Variants in BICC1 observed in about 807,000 individuals in gnomAD.
BICC1 encodes BicC family RNA binding protein 1, also known as protein bicaudal C homolog 1.
A neutral mutation model predicts 111.0 loss-of-function variants in BICC1; 43 were observed. That is an observed-to-expected ratio of 0.39 (90% CI 0.30 to 0.50). The LOEUF (loss-of-function observed/expected upper bound fraction) is 0.50, where lower values mean the gene tolerates loss of function less well. Ranked by LOEUF, BICC1 falls within the 20% of genes least tolerant of loss-of-function variation. BICC1 has a pLI of 0.88. For synonymous variants in BICC1, 467 were observed against 434.4 expected (o/e 1.07, Z -0.93); for missense variants, 1,091 against 1,203.2 (o/e 0.91, Z 1.38).
intron 1 of BICC1, among the ~76,000 whole-genome samples, chr10:58,521,957 G>C (rs1242087258): frequency 6.6e-6 from 1 of 151,132 alleles, no homozygotes; most frequent in Non-Finnish European, 1.5e-5. Flanking sequence ...AAGGTGGTTA[G>C]AGGATGGTGA....
chr10:58,596,041 C>G (rs774434541), intron 1 of BICC1, among the ~76,000 whole-genome samples: 1 of 152,090 alleles, frequency 6.6e-6, no homozygotes, highest in Non-Finnish European at 1.5e-5. Flanking sequence ...ACCCCTGATC[C>G]CACAGAAATA....
chr10:58,671,764 G>A (rs1309432631), intron 2 of BICC1, among the ~76,000 whole-genome samples: 1 of 152,018 alleles, frequency 6.6e-6, no homozygotes, highest in African/African-American at 2.4e-5. Flanking sequence ...AAATTGCCTT[G>A]TTTTTTCAAC....
intron 1 of BICC1, among the ~76,000 whole-genome samples, chr10:58,603,049 G>A (rs539591565): frequency 1.3e-5 from 2 of 152,232 alleles, no homozygotes; most frequent in East Asian, 1.9e-4. Flanking sequence ...AATAGATCAA[G>A]TTTAGAATAT....
chr10:58,728,827 T>C lies in BICC1; in HGVS notation c.307+26684T>C, dbSNP rs547459517. ...TTTGTACATCTTCATCAGACCTCTTTTGTGACCAGGTGCATTGTCAATGAG... is the reference window on the plus strand; with the variant it reads ...TTTGTACATCTTCATCAGACCTCTTCTGTGACCAGGTGCATTGTCAATGAG... On this transcript the variant is annotated intron_variant, in intron 3 of 20. Transcript: ENST00000373886. Among the ~76,000 whole-genome samples the C allele has an allele frequency of 2.0e-5, 3 of 152,312 alleles. No individual in the cohort carries two copies. In the East Asian group the frequency reaches 5.8e-4, roughly 29 times the overall value.
intron 18 of BICC1, 53 bp from the exon 19 acceptor site, chr10:58,817,509 C>G (rs747598104): frequency 1.3e-6 from 2 of 1,597,820 alleles, no homozygotes; most frequent in Non-Finnish European, 1.7e-6. Flanking sequence ...TTAATTAAAC[C>G]ATGTTCTCTC....
intron 2 of BICC1, among the ~76,000 whole-genome samples, chr10:58,629,638 C>T (rs1396709266): frequency 6.6e-6 from 1 of 152,094 alleles, no homozygotes; most frequent in Non-Finnish European, 1.5e-5. Context: ...CAGAATCACA[C>T]TAAGGTTTAT....
intron 1 of BICC1, among the ~76,000 whole-genome samples, chr10:58,560,591 T>C (rs1239992373): frequency 6.7e-6 from 1 of 148,690 alleles, no homozygotes; most frequent in African/African-American, 2.5e-5. Flanking sequence ...TGTTTTTCTT[T>C]TACCGACTTT....
chr10:58,808,972 C>T (rs1045546794), intron 17 of BICC1, among the ~76,000 whole-genome samples: 1 of 151,984 alleles, frequency 6.6e-6, no homozygotes, highest in Non-Finnish European at 1.5e-5. Context: ...ACCTCGACCT[C>T]CCAAAGTGCT....
In BICC1 at chr10:58,817,669, C is replaced by G; in HGVS notation, c.2641C>G (p.Leu881Val). Residue 881 changes from leucine to valine, a missense_variant, in exon 19 of 21, where the codon CTC (leucine) becomes GTC (valine). By Grantham distance (32) the Leu-to-Val change is conservative. Transcript: ENST00000373886. ...TTTCAAAGGTTCTGACCTCCCTGAG[C>G]TCTTCAGCAAACTGGGCCTGGGCAA... ...SSFKGSDLPE[L>V]FSKLGLGKYT... is the part of the protein sequence containing the mutation. The G allele has an allele frequency of 6.2e-7, 1 of 1,613,522 alleles. No homozygotes were observed. Among genetic ancestry groups the G allele is most frequent in the Non-Finnish European group, 8.5e-7 (1 of 1,179,630 alleles).
chr10:58,576,316 T>C (rs1844110231), intron 1 of BICC1, among the ~76,000 whole-genome samples: 1 of 152,218 alleles, frequency 6.6e-6, no homozygotes, highest in Non-Finnish European at 1.5e-5. Context: ...TGATAATTAC[T>C]AGAAAAGCAG....
At chr10:58,681,743 CAG>C (rs2132363964) in intron 2 of BICC1, among the ~76,000 whole-genome samples, 1 of 152,210 alleles carries the variant, frequency 6.6e-6, no homozygotes, top group East Asian at 1.9e-4. Context: ...ATGGTGTATC[CAG>C]AGTTTGTTCC....
intron 1 of BICC1, among the ~76,000 whole-genome samples, chr10:58,540,434 C>T (rs983738007): frequency 1.3e-5 from 2 of 151,830 alleles, no homozygotes; most frequent in Non-Finnish European, 2.9e-5. Flanking sequence ...AAAGAAGAGA[C>T]ATTACAACTG....
At chr10:58,534,358 TATA>T (rs1842772224) in intron 1 of BICC1, among the ~76,000 whole-genome samples, 4 of 151,682 alleles carry the variant, frequency 2.6e-5, no homozygotes, top group African/African-American at 9.7e-5. Context: ...GGCGGCAGCC[TATA>T]CTGTGAACCA....
At chr10:58,731,896 G>A (rs542009271) in intron 3 of BICC1, among the ~76,000 whole-genome samples, 7 of 152,340 alleles carry the variant, frequency 4.6e-5, no homozygotes, top group South Asian at 2.1e-4. Context: ...CTCCAACATT[G>A]GAGATTACAA....
At chr10:58,789,126 T>G in intron 6 of BICC1, 136 bp from the exon 7 acceptor site, 1 of 678,518 alleles carries the variant, frequency 1.5e-6, no homozygotes, top group South Asian at 2.6e-5. Flanking sequence ...CTTTATATAA[T>G]GTAGCTAAAC....
intron 2 of BICC1, among the ~76,000 whole-genome samples, chr10:58,629,893 A>G (rs1046593759): frequency 3.9e-5 from 6 of 152,194 alleles, no homozygotes; most frequent in Non-Finnish European, 5.9e-5. Flanking sequence ...CTGTTATTCA[A>G]TTCAACTTGC....
chr10:58,636,786 G>A (rs1315334169), intron 2 of BICC1, among the ~76,000 whole-genome samples: 1 of 152,152 alleles, frequency 6.6e-6, no homozygotes. Context: ...CTGAGCTTCA[G>A]TTCTCCTGCT....
chr10:58,774,277 G>C (rs1259852604), intron 3 of BICC1, among the ~76,000 whole-genome samples: 1 of 152,226 alleles, frequency 6.6e-6, no homozygotes, highest in Non-Finnish European at 1.5e-5. Flanking sequence ...CAGAGTTGTA[G>C]AGAAGAAAGA....
intron 17 of BICC1, among the ~76,000 whole-genome samples, chr10:58,812,565 C>T (rs1843945514): frequency 2.0e-5 from 3 of 151,662 alleles, no homozygotes; most frequent in Admixed American, 2.0e-4. Flanking sequence ...GCAACCTCCG[C>T]CTCCTGGGTT....
Sources: allele counts gnomAD v4.1 joint callset (sites outside exome capture counted in the v4.1 genomes callset), GRCh38; gene constraint gnomAD v4.1.1; transcripts MANE v1.5; gene names NCBI Gene and HGNC (gene_info 2026-07-23, HGNC 2026-07-21).